The following FBXO16 variants were observed in gnomAD, a reference collection of about 807,000 sequenced individuals.
FBXO16 encodes F-box only protein 16.
A neutral mutation model predicts 41.0 loss-of-function variants in FBXO16; 31 were observed. The ratio of observed to expected loss-of-function variants is 0.76; its 90% CI spans 0.57 to 1.02. The LOEUF (loss-of-function observed/expected upper bound fraction) is 1.02, where lower values mean the gene tolerates loss of function less well. Among genes scored for constraint, FBXO16 ranks in the 50% least tolerant of loss-of-function variants. FBXO16 has a pLI of 0.00. For missense variants in FBXO16, 361 were observed against 346.2 expected (o/e 1.04, Z -0.34); for synonymous variants, 133 against 117.8 (o/e 1.13, Z -0.84).
chr8:28,470,619 C>G (rs1011223314), intron 3 of FBXO16, among the ~76,000 whole-genome samples: 3 of 152,196 alleles, frequency 2.0e-5, no homozygotes, highest in Admixed American at 2.0e-4. Context: ...TATTATCTAG[C>G]TCTTCAATTT....
intron 7 of FBXO16, among the ~76,000 whole-genome samples, chr8:28,429,729 A>G (rs948828520): frequency 4.2e-4 from 64 of 152,090 alleles, no homozygotes; most frequent in African/African-American, 1.4e-3. Flanking sequence ...CCTACTTTAG[A>G]CTTTCTTTGA....
At chr8:28,440,827 A>C (rs1365008851) in intron 7 of FBXO16, among the ~76,000 whole-genome samples, 1 of 152,224 alleles carries the variant, frequency 6.6e-6, no homozygotes, top group African/African-American at 2.4e-5. Flanking sequence ...ACCAGGACCT[A>C]GAAAGTGAGG....
intron 7 of FBXO16, among the ~76,000 whole-genome samples, chr8:28,433,415 C>T (rs558607104): frequency 6.6e-6 from 1 of 152,340 alleles, no homozygotes; most frequent in South Asian, 2.1e-4. Context: ...GGGCTCCGGG[C>T]CCATCTATTC....
intron 3 of FBXO16, among the ~76,000 whole-genome samples, chr8:28,471,336 A>G (rs1391016306): frequency 1.3e-5 from 2 of 152,140 alleles, no homozygotes; most frequent in Non-Finnish European, 1.5e-5. Context: ...AAACTTTAAA[A>G]CTAAGACAGT....
At position 28,446,433 on chromosome 8, in the gene FBXO16, A is replaced by G. The variant is rs541958669; in HGVS notation, c.843+738T>C. ...AGTGATCCTCCTGCCTCAGCCTCCC[A>G]AAGTACTGGGATTACAGGCGTGAGC... On this transcript the variant is annotated intron_variant, in intron 7 of 8. Transcript: ENST00000380254. Among the ~76,000 whole-genome samples, 3 of 151,098 alleles carry G rather than the reference A, an allele frequency of 2.0e-5. No homozygotes were observed. The East Asian group carries it at 6.0e-4, about 30-fold the overall frequency.
intron 4 of FBXO16, among the ~76,000 whole-genome samples, chr8:28,463,369 T>A (rs762645691): frequency 4.9e-5 from 7 of 142,970 alleles, no homozygotes; most frequent in Admixed American, 2.3e-4. Flanking sequence ...TATGTGTGTA[T>A]ATGTGTGTGT....
chr8:28,480,985 A>G (rs1206578590), intron 2 of FBXO16, among the ~76,000 whole-genome samples: 1 of 152,132 alleles, frequency 6.6e-6, no homozygotes, highest in Non-Finnish European at 1.5e-5. Flanking sequence ...ATTTGAATGG[A>G]CTCAGATAGG....
intron 7 of FBXO16, among the ~76,000 whole-genome samples, chr8:28,435,582 G>A (rs145924216): frequency 1.3e-4 from 20 of 152,258 alleles, no homozygotes; most frequent in African/African-American, 4.6e-4. Flanking sequence ...CTCTCCCCAC[G>A]TGGCTGGGTC....
intron 4 of FBXO16, 30 bp from the exon 5 acceptor site, chr8:28,456,960 C>G: frequency 6.3e-7 from 1 of 1,599,776 alleles, no homozygotes; most frequent in Non-Finnish European, 8.5e-7. Flanking sequence ...TAAACAAAAC[C>G]AAATCAAACA....
intron 2 of FBXO16, among the ~76,000 whole-genome samples, chr8:28,482,369 T>C (rs1803528067): frequency 6.6e-6 from 1 of 151,988 alleles, no homozygotes; most frequent in African/African-American, 2.4e-5. Context: ...TCCTGAAAAA[T>C]AGGTGTGGTC....
At position 28,452,486 on chromosome 8, in the gene FBXO16, G is replaced by GA. The variant is rs1255110683; in HGVS notation, c.508-11dup. 3 of 1,612,302 alleles carry GA rather than the reference G, an allele frequency of 1.9e-6. No individual in the cohort carries two copies. The African/African-American group carries it at 4.0e-5, about 22-fold the overall frequency. On this transcript the variant is annotated splice_polypyrimidine_tract_variant and intron_variant, in intron 5 of 8. Transcript: ENST00000380254. ...CATCCTTTGGGGGTGTCTAGAAGAA[G>GA]AAAGTTAATTATGTTCTCAAAACAC...
rs200844371 is a variant in FBXO16 at position 28,454,748 on chromosome 8, AAAAGG to A, written c.507+2013_507+2017del. The stretch of plus-strand genomic sequence containing the variant: ...GTCTTAAAAAAAAAAAAAAAAAAAA[AAAAGG>A]ATCATTAATTCTATATAGTACAAAA... On this transcript the variant is annotated intron_variant, in intron 5 of 8. Coordinates refer to ENST00000380254, the MANE Select transcript of FBXO16 (RefSeq NM_172366.4). Among the ~76,000 whole-genome samples, 230 of 58,042 alleles carry A rather than the reference AAAAGG, an allele frequency of 4.0e-3. 19 individuals carry two copies. The highest frequency in any genetic ancestry group is 0.016 in the Middle Eastern group (2 of 124). 38.1% of individuals were successfully genotyped at this position (58,042 alleles called of 152,430 possible).
In FBXO16 at chr8:28,451,417, G is replaced by T. The variant is rs188490286; in HGVS notation, c.740+827C>A. Among the ~76,000 whole-genome samples, 643 of 149,186 alleles carry T rather than the reference G, an allele frequency of 4.3e-3. 3 individuals carry two copies. Among genetic ancestry groups the T allele is most frequent in the African/African-American group, 0.015 (616 of 40,630 alleles). Reference sequence around the variant, plus strand: ...TTTGTTTTTTGTTTTTTGAGATAGGGTCTAGCTATATTGCACAGGCTGGTC... The same window carrying T: ...TTTGTTTTTTGTTTTTTGAGATAGGTTCTAGCTATATTGCACAGGCTGGTC... On this transcript the variant is annotated intron_variant, in intron 6 of 8. Coordinates refer to ENST00000380254, the MANE Select transcript of FBXO16 (RefSeq NM_172366.4).
chr8:28,464,246 T>C (rs147245519), intron 3 of FBXO16, among the ~76,000 whole-genome samples: 218 of 152,312 alleles, frequency 1.4e-3, no homozygotes, highest in African/African-American at 5.1e-3. Context: ...GATAAAGTAT[T>C]ACAAGCAAAT....
intron 1 of FBXO16, 28 bp from the exon 2 acceptor site, chr8:28,483,490 G>T: frequency 6.6e-7 from 1 of 1,519,302 alleles, no homozygotes; most frequent in Non-Finnish European, 9.1e-7. Flanking sequence ...ACACCTATCA[G>T]AAGAAGTGAA....
At chr8:28,449,222 A>AG (rs942647323) in intron 6 of FBXO16, 57 of 152,288 alleles carry the variant, frequency 3.7e-4, no homozygotes, top group African/African-American at 1.3e-3. Flanking sequence ...ACAAATTGCA[A>AG]GGAAAAAAAA....
intron 6 of FBXO16, among the ~76,000 whole-genome samples, chr8:28,450,957 C>A (rs1361846972): frequency 6.6e-6 from 1 of 152,124 alleles, no homozygotes; most frequent in African/African-American, 2.4e-5. Flanking sequence ...TTTTAAAAGG[C>A]TTAGCAATTT....
At chr8:28,437,645 G>A (rs1416448964) in intron 7 of FBXO16, among the ~76,000 whole-genome samples, 1 of 152,176 alleles carries the variant, frequency 6.6e-6, no homozygotes, top group Non-Finnish European at 1.5e-5. Context: ...GGCCAAGGCG[G>A]GAGGACTGCT....
At chr8:28,484,246 C>G (rs1803565558) in intron 1 of FBXO16, among the ~76,000 whole-genome samples, 1 of 152,190 alleles carries the variant, frequency 6.6e-6, no homozygotes, top group African/African-American at 2.4e-5. Context: ...TATATTAATT[C>G]TCCTTCTCCC....
Sources: gnomAD v4.1 joint callset for allele counts (sites outside exome capture counted in the v4.1 genomes callset) on GRCh38, gnomAD v4.1.1 for gene constraint, MANE v1.5 for transcripts, NCBI Gene and HGNC (gene_info 2026-07-23, HGNC 2026-07-21) for gene names.